TMEM182: variants seen among roughly 807,000 people sequenced by gnomAD.
TMEM182 encodes transmembrane protein 182.
Under a neutral mutation model 26.8 loss-of-function variants are expected in TMEM182, and 20 were observed. That is an observed-to-expected ratio of 0.75 (90% CI 0.53 to 1.09). The LOEUF is 1.09. Ranked by LOEUF, TMEM182 falls within the 50% of genes least tolerant of loss-of-function variation. The probability of loss-of-function intolerance (pLI) is 0.00; values close to 1 mark genes in which losing one functional copy is unlikely to be tolerated. For synonymous variants in TMEM182, 109 were observed against 102.2 expected (o/e 1.07, Z -0.40); for missense variants, 277 against 275.5 (o/e 1.01, Z -0.04).
At chr2:102,758,364 C>T, upstream of TMEM182, 1 of 691,454 alleles carries the variant, frequency 1.4e-6, no homozygotes, top group Non-Finnish European at 2.7e-6. Flanking sequence ...GGAAGCAACA[C>T]TGAATGGCTG....
At chr2:102,822,843 C>G in intron 3 of TMEM182, among the ~76,000 whole-genome samples, 1 of 151,682 alleles carries the variant, frequency 6.6e-6, no homozygotes, top group East Asian at 1.9e-4. Flanking sequence ...AAAGTAAACA[C>G]CCAGAATGTA....
downstream of TMEM182, among the ~76,000 whole-genome samples, chr2:102,822,104 C>A (rs930837588): frequency 2.6e-5 from 4 of 152,044 alleles, no homozygotes; most frequent in African/African-American, 9.7e-5. Context: ...AGTATACCCC[C>A]AAAATATGTG....
chr2:102,749,232 C>T (rs1301392958), intron 1 of TMEM182, among the ~76,000 whole-genome samples: 1 of 151,922 alleles, frequency 6.6e-6, no homozygotes, highest in Non-Finnish European at 1.5e-5. Context: ...AGTAAAATAT[C>T]AGATAGTAAT....
chr2:102,765,530 T>C (rs1286840408), intron 3 of TMEM182, among the ~76,000 whole-genome samples: 1 of 152,174 alleles, frequency 6.6e-6, no homozygotes. Flanking sequence ...ACCCAACAAC[T>C]TGGCACCATA....
At chr2:102,791,166 C>G (rs888945620) in intron 3 of TMEM182, among the ~76,000 whole-genome samples, 2 of 152,116 alleles carry the variant, frequency 1.3e-5, no homozygotes, top group Non-Finnish European at 1.5e-5. Context: ...GAACTCCTGA[C>G]CACAAATGAT....
chr2:102,829,187 A>G (rs555874834), intron 3 of TMEM182, among the ~76,000 whole-genome samples: 2 of 152,268 alleles, frequency 1.3e-5, no homozygotes, highest in African/African-American at 2.4e-5. Context: ...ACCTTTTTGC[A>G]TCATGTATTT....
intron 1 of TMEM182, among the ~76,000 whole-genome samples, chr2:102,740,991 T>C (rs72828071): frequency 0.13 from 20,488 of 152,208 alleles, 1,706 homozygotes; most frequent in East Asian, 0.19. Flanking sequence ...TCCTTTCATA[T>C]AAAAATTATA....
intron 4 of TMEM182, among the ~76,000 whole-genome samples, chr2:102,798,568 G>A (rs1419179218): frequency 5.3e-5 from 8 of 152,100 alleles, no homozygotes; most frequent in Non-Finnish European, 5.9e-5. Context: ...GCCAGGTGTG[G>A]TGGCTCACAC....
At chr2:102,830,657 T>C (rs1683132743) in intron 3 of TMEM182, among the ~76,000 whole-genome samples, 1 of 152,136 alleles carries the variant, frequency 6.6e-6, no homozygotes, top group Admixed American at 6.5e-5. Context: ...GAATGGGGTG[T>C]CCCTCCCCTC....
At chr2:102,780,282 C>T (rs577834554) in intron 3 of TMEM182, among the ~76,000 whole-genome samples, 7 of 152,094 alleles carry the variant, frequency 4.6e-5, no homozygotes, top group African/African-American at 1.7e-4. Context: ...TTCATACTAC[C>T]CCAGTGAAGG....
chr2:102,822,396 C>T (rs147479141), downstream of TMEM182, among the ~76,000 whole-genome samples: 1 of 152,044 alleles, frequency 6.6e-6, no homozygotes, highest in African/African-American at 2.4e-5. Flanking sequence ...GACGATGTTT[C>T]GAGAAGCGAC....
chr2:102,826,414 G>A (rs1182055610), intron 3 of TMEM182, among the ~76,000 whole-genome samples: 1 of 151,510 alleles, frequency 6.6e-6, no homozygotes, highest in Non-Finnish European at 1.5e-5. Context: ...GGCCAGGGCT[G>A]GGATCCGACT....
At chr2:102,775,232 A>C (rs1680858312) in intron 3 of TMEM182, 1 of 152,206 alleles carries the variant, frequency 6.6e-6, no homozygotes, top group Non-Finnish European at 1.5e-5. Flanking sequence ...GGCTGGTTCA[A>C]TATATGCAAA....
At chr2:102,737,884 T>C (rs1201421361) in intron 1 of TMEM182, among the ~76,000 whole-genome samples, 1 of 152,240 alleles carries the variant, frequency 6.6e-6, no homozygotes, top group Admixed American at 6.5e-5. Flanking sequence ...ACTGAGATTT[T>C]GCTCAAAATC....
chr2:102,756,726 C>T lies in TMEM182; in HGVS notation c.-82-1663C>T, dbSNP rs944013989. 4.6e-5 allele frequency among the ~76,000 whole-genome samples: 7 copies of T among 152,112 alleles called. No homozygotes were observed. The East Asian group carries it at 7.8e-4, about 17-fold the overall frequency. ...TCCGTCTCAAGAAAAAACAAACAAA[C>T]GGAAACTCAGAGAGTTGAGCCATTG... On this transcript the variant is annotated intron_variant, in intron 1 of 5. Coordinates refer to the TMEM182 transcript ENST00000409173.
intron 3 of TMEM182, among the ~76,000 whole-genome samples, chr2:102,786,041 ATTTTTTTTTTTT>A (rs35677242): frequency 7.4e-6 from 1 of 135,802 alleles, no homozygotes; most frequent in African/African-American, 2.7e-5. Flanking sequence ...GTGTAGATTG[ATTTTTTTTTTTT>A]TTTTTTTAAG....
At chr2:102,762,475 C>T in intron 1 of TMEM182, 112 bp from the exon 2 acceptor site, 3 of 1,525,406 alleles carry the variant, frequency 2.0e-6, no homozygotes, top group Non-Finnish European at 8.9e-7. Flanking sequence ...TAGAAAGCTA[C>T]TGAGCTTCAT....
chr2:102,749,901 C>A (rs946304170), intron 1 of TMEM182, among the ~76,000 whole-genome samples: 2 of 151,742 alleles, frequency 1.3e-5, no homozygotes, highest in African/African-American at 4.8e-5. Flanking sequence ...ATGAATAATA[C>A]AAGGAATGAA....
intron 4 of TMEM182, among the ~76,000 whole-genome samples, chr2:102,814,006 A>G (rs1682651771): frequency 6.6e-6 from 1 of 151,406 alleles, no homozygotes; most frequent in Admixed American, 6.6e-5. Flanking sequence ...TTTATATTAC[A>G]CAAAATCTTT....
Sources: gnomAD v4.1 joint callset for allele counts (sites outside exome capture counted in the v4.1 genomes callset) on GRCh38, gnomAD v4.1.1 for gene constraint, MANE v1.5 for transcripts, NCBI Gene and HGNC (gene_info 2026-07-23, HGNC 2026-07-21) for gene names.